OPCML: variants seen among roughly 807,000 people sequenced by gnomAD.
OPCML encodes the protein opioid binding protein/cell adhesion molecule like, also known as opioid-binding protein/cell adhesion molecule.
A neutral mutation model predicts 37.8 loss-of-function variants in OPCML; 13 were observed. The ratio of observed to expected loss-of-function variants is 0.34; its 90% CI spans 0.22 to 0.55. The LOEUF is 0.55. OPCML is among the 20% of genes least tolerant of loss of function. The probability of loss-of-function intolerance (pLI) is 0.91; values close to 1 mark genes in which losing one functional copy is unlikely to be tolerated. For synonymous variants in OPCML, 176 were observed against 168.8 expected (o/e 1.04, Z -0.33); for missense variants, 341 against 435.6 (o/e 0.78, Z 1.93).
chr11:133,434,825 C>T (rs1199317800), intron 1 of OPCML, among the ~76,000 whole-genome samples: 6 of 126,040 alleles, frequency 4.8e-5, no homozygotes, highest in South Asian at 5.1e-4. Flanking sequence ...TATATATATA[C>T]ACACACATAT....
chr11:132,415,488 T>G lies in OPCML; in HGVS notation c.*4705A>C, dbSNP rs2136622471. ...GGCAGCTTGCAGTACATAGCATTGT[T>G]ATTACTGATAGCTTTATAAATCTGC... On this transcript the variant is annotated 3_prime_UTR_variant, in exon 8 of 8. Transcript: ENST00000524381. 1 of 152,340 alleles carries G rather than the reference T, an allele frequency of 6.6e-6. No homozygotes were observed. The highest frequency in any genetic ancestry group is 2.1e-4 in the South Asian group (1 of 4,824). 9.4% of individuals were successfully genotyped at this position (152,340 alleles called of 1,614,324 possible). A position where few individuals can be genotyped will look rare whatever the true frequency, so the allele number is the denominator to read the frequency against.
chr11:132,461,341 G>T (rs1047834196), intron 4 of OPCML, among the ~76,000 whole-genome samples: 3 of 152,112 alleles, frequency 2.0e-5, no homozygotes, highest in African/African-American at 7.2e-5. Flanking sequence ...AATTAATCAT[G>T]CCTAGGATAT....
chr11:133,272,815 A>G (rs574477361), intron 1 of OPCML, among the ~76,000 whole-genome samples: 42 of 152,256 alleles, frequency 2.8e-4, no homozygotes, highest in Non-Finnish European at 4.8e-4. Flanking sequence ...AGCCTCTGAC[A>G]GAATATCCAA....
chr11:132,522,958 C>A lies in OPCML; in HGVS notation c.505+6103G>T, dbSNP rs1202284130. Among the ~76,000 whole-genome samples, 82 of 152,172 alleles carry A rather than the reference C, an allele frequency of 5.4e-4. 2 individuals are homozygous for A. Among genetic ancestry groups the A allele is most frequent in the Admixed American group, 5.4e-3 (82 of 15,274 alleles). ...TGGATCAGTACTTTTTTGTTTGAGA[C>A]AGAGTTTCGCTTTTATCACCCGGGT... On this transcript the variant is annotated intron_variant, in intron 4 of 7. Transcript: ENST00000524381.
chr11:133,328,631 C>T (rs185710352), intron 1 of OPCML, among the ~76,000 whole-genome samples: 305 of 152,198 alleles, frequency 2.0e-3, no homozygotes, highest in Non-Finnish European at 3.6e-3. Flanking sequence ...AAGAAACGGC[C>T]CCTATCCTCG....
rs560214887 is a variant in OPCML, at chr11:133,483,874, CTT to C, written c.61+48388_61+48389del. On this transcript the variant is annotated intron_variant, in intron 1 of 7. Transcript: ENST00000524381. ...ATGGATAGATAGATTCATAGAGAGACTTATAGATAGATGTATTTATAGATGAA... is the reference window on the plus strand; with the variant it reads ...ATGGATAGATAGATTCATAGAGAGACATAGATAGATGTATTTATAGATGAA... 6.2e-4 allele frequency among the ~76,000 whole-genome samples: 91 copies of C among 147,420 alleles called. 1 individual carries two copies. In the South Asian group the frequency reaches 0.02, roughly 32 times the overall value.
chr11:133,000,351 G>A (rs180784318), intron 1 of OPCML, among the ~76,000 whole-genome samples: 112 of 152,298 alleles, frequency 7.4e-4, no homozygotes, highest in Non-Finnish European at 1.2e-3. Flanking sequence ...GTCCTCAAGC[G>A]TTCAGCCTGC....
rs556904749 is a variant in OPCML at position 132,802,248 on chromosome 11, CA to C, written c.146+140677del. ...CCCAGCACACAGTCCATTTTTTACC[CA>C]GGATCTGAAGTGAGCTTTACTTAAG... On this transcript the variant is annotated intron_variant, in intron 2 of 7. Transcript: ENST00000524381. Among the ~76,000 whole-genome samples the C allele has an allele frequency of 8.9e-4, 136 of 152,282 alleles. 1 individual carries two copies. Among genetic ancestry groups the C allele is most frequent in the African/African-American group, 3.2e-3 (134 of 41,554 alleles).
At chr11:133,476,193 C>A (rs1947234336) in intron 1 of OPCML, among the ~76,000 whole-genome samples, 1 of 152,180 alleles carries the variant, frequency 6.6e-6, no homozygotes, top group Admixed American at 6.5e-5. Flanking sequence ...CAGGCTCATC[C>A]TCTGGGGACT....
At chr11:133,012,338 A>G (rs1265049545) in intron 1 of OPCML, among the ~76,000 whole-genome samples, 2 of 152,100 alleles carry the variant, frequency 1.3e-5, no homozygotes, top group African/African-American at 4.8e-5. Context: ...AACAAATTCA[A>G]CCTCCTGTTG....
At chr11:132,802,052 A>G (rs918766615) in intron 2 of OPCML, among the ~76,000 whole-genome samples, 3 of 152,146 alleles carry the variant, frequency 2.0e-5, no homozygotes, top group African/African-American at 7.2e-5. Flanking sequence ...TAGCACCAAC[A>G]GTCATGAAGT....
At chr11:132,646,832 A>C (rs1047221976) in intron 3 of OPCML, among the ~76,000 whole-genome samples, 4 of 152,222 alleles carry the variant, frequency 2.6e-5, no homozygotes, top group African/African-American at 4.8e-5. Flanking sequence ...GGAGCTAAGA[A>C]AATAATCAAA....
intron 1 of OPCML, among the ~76,000 whole-genome samples, chr11:133,057,072 G>A (rs35953147): frequency 3.9e-5 from 6 of 152,274 alleles, no homozygotes; most frequent in South Asian, 2.1e-4. Flanking sequence ...TCGAACTCCC[G>A]ACCTCAGGTT....
chr11:132,799,148 TCTC>T (rs1216133308), intron 2 of OPCML, among the ~76,000 whole-genome samples: 1 of 152,130 alleles, frequency 6.6e-6, no homozygotes, highest in Admixed American at 6.5e-5. Flanking sequence ...GGCATTGACT[TCTC>T]CTCTCTAGCT....
intron 2 of OPCML, among the ~76,000 whole-genome samples, chr11:132,694,174 A>G (rs923583414): frequency 7.9e-6 from 1 of 127,026 alleles, no homozygotes; most frequent in African/African-American, 3.2e-5. Flanking sequence ...CTGTGAAATC[A>G]ATGTCTTTTT....
intron 1 of OPCML, among the ~76,000 whole-genome samples, chr11:133,450,071 G>A (rs1041504815): frequency 5.9e-5 from 9 of 151,702 alleles, no homozygotes; most frequent in African/African-American, 2.2e-4. Flanking sequence ...CTTATGCTAA[G>A]AGTTGATGCA....
At chr11:132,919,395 G>A (rs1944712958) in intron 2 of OPCML, among the ~76,000 whole-genome samples, 1 of 152,186 alleles carries the variant, frequency 6.6e-6, no homozygotes, top group Non-Finnish European at 1.5e-5. Flanking sequence ...GCCCGGCAGG[G>A]TCCAGATGAC....
At chr11:132,479,774 T>A (rs2096172269) in intron 4 of OPCML, among the ~76,000 whole-genome samples, 1 of 152,218 alleles carries the variant, frequency 6.6e-6, no homozygotes, top group East Asian at 1.9e-4. Flanking sequence ...GACTGACACC[T>A]CACAGGGCCG....
chr11:133,358,700 C>G (rs552762086), intron 1 of OPCML, among the ~76,000 whole-genome samples: 3 of 152,126 alleles, frequency 2.0e-5, no homozygotes, highest in Non-Finnish European at 2.9e-5. Flanking sequence ...GAGGATGAGA[C>G]AGTGGGGTAA....
Sources: allele counts gnomAD v4.1 joint callset (sites outside exome capture counted in the v4.1 genomes callset), GRCh38; gene constraint gnomAD v4.1.1; transcripts MANE v1.5; gene names NCBI Gene and HGNC (gene_info 2026-07-23, HGNC 2026-07-21).